The following SHTN1 variants were observed in gnomAD, a reference collection of about 807,000 sequenced individuals.
SHTN1 encodes shootin-1.
A neutral mutation model predicts 83.1 loss-of-function variants in SHTN1; 42 were observed. That is an observed-to-expected ratio of 0.51 (90% CI 0.39 to 0.65). The LOEUF is 0.65. SHTN1 is among the 30% of genes least tolerant of loss of function. SHTN1 has a pLI of 0.00. For synonymous variants in SHTN1, 224 were observed against 247.7 expected (o/e 0.90, Z 0.90); for missense variants, 622 against 737.8 (o/e 0.84, Z 1.82).
chr10:117,107,116 T>C (rs1317743220), intron 1 of SHTN1, among the ~76,000 whole-genome samples: 1 of 152,216 alleles, frequency 6.6e-6, no homozygotes, highest in Non-Finnish European at 1.5e-5. Flanking sequence ...ATCAATTTAG[T>C]AATCAATTGA....
intron 4 of SHTN1, 82 bp downstream of exon 4, chr10:116,960,054 C>T (rs1017509864): frequency 5.5e-5 from 44 of 797,852 alleles, no homozygotes; most frequent in South Asian, 5.5e-4. Flanking sequence ...AGTAGAAAAG[C>T]AAAACCAGAT....
chr10:116,995,601 A>C (rs1254430515), intron 1 of SHTN1, among the ~76,000 whole-genome samples: 1 of 152,060 alleles, frequency 6.6e-6, no homozygotes, highest in African/African-American at 2.4e-5. Flanking sequence ...GAGTATTCTT[A>C]TTTTTAGGAT....
chr10:117,078,149 A>C (rs1853189417), intron 1 of SHTN1, among the ~76,000 whole-genome samples: 1 of 152,198 alleles, frequency 6.6e-6, no homozygotes, highest in Non-Finnish European at 1.5e-5. Flanking sequence ...AGAGCTTTCA[A>C]TGGACATTTT....
chr10:116,972,703 T>C (rs951137789), intron 2 of SHTN1, among the ~76,000 whole-genome samples: 1 of 152,138 alleles, frequency 6.6e-6, no homozygotes, highest in South Asian at 2.1e-4. Flanking sequence ...GACTTTGCAA[T>C]AGCAACAGAT....
At position 116,901,840 on chromosome 10, in the gene SHTN1, G is replaced by A. The variant is rs181863139; in HGVS notation, c.1598C>T (p.Pro533Leu). Residue 533 changes from proline (P) to leucine (L), a missense_variant, in exon 16 of 17, where the codon CCG becomes CTG. By Grantham distance (98) the Pro-to-Leu change is moderately conservative. Coordinates refer to ENST00000355371, the MANE Select transcript of SHTN1 (RefSeq NM_001127211.3). ...ACCTGGCTCAGGTGTTGGGGGGGAC[G>A]GGCTGTTGAATTCTGCCTCCAGAGT... ...KKTLEAEFNS[P>L]SPPTPEPGEG... 835 of 1,605,168 alleles carry A rather than the reference G, an allele frequency of 5.2e-4. 1 individual carries two copies. The highest frequency in any genetic ancestry group is 6.7e-4 in the Non-Finnish European group (785 of 1,177,370).
At chr10:117,078,758 T>C (rs892004178) in intron 1 of SHTN1, among the ~76,000 whole-genome samples, 2 of 152,102 alleles carry the variant, frequency 1.3e-5, no homozygotes, top group African/African-American at 4.8e-5. Context: ...TAAAAACATG[T>C]AGGTAAATAT....
chr10:117,089,633 G>GT (rs1440370707), intron 1 of SHTN1, among the ~76,000 whole-genome samples: 3 of 152,036 alleles, frequency 2.0e-5, no homozygotes, highest in African/African-American at 7.2e-5. Context: ...TCAAAGGACA[G>GT]TATCAACAGA....
intron 1 of SHTN1, among the ~76,000 whole-genome samples, chr10:117,004,728 G>A (rs1414605980): frequency 1.3e-5 from 2 of 152,154 alleles, no homozygotes; most frequent in Admixed American, 1.3e-4. Context: ...CGTCCGCACT[G>A]AATCCTCGTC....
chr10:117,061,210 G>C (rs992400480), intron 1 of SHTN1, among the ~76,000 whole-genome samples: 1 of 146,650 alleles, frequency 6.8e-6, no homozygotes, highest in African/African-American at 2.5e-5. Context: ...GCAGTGGCAC[G>C]ATCCTGGCTC....
intron 1 of SHTN1, among the ~76,000 whole-genome samples, chr10:117,052,456 C>A (rs1464516049): frequency 6.6e-6 from 1 of 151,810 alleles, no homozygotes; most frequent in Non-Finnish European, 1.5e-5. Flanking sequence ...TGGCACAGGA[C>A]CCCAGATAGC....
chr10:117,009,378 CA>C (rs958850353), upstream of SHTN1, among the ~76,000 whole-genome samples: 9 of 150,564 alleles, frequency 6.0e-5, no homozygotes, highest in African/African-American at 1.9e-4. Context: ...TGGCAGGATG[CA>C]AAAAAAAGTA....
At chr10:117,108,350 A>AT (rs936004679) in intron 1 of SHTN1, among the ~76,000 whole-genome samples, 2 of 152,124 alleles carry the variant, frequency 1.3e-5, no homozygotes, top group African/African-American at 4.8e-5. Context: ...AATGTGGCAC[A>AT]TATACACCAT....
intron 1 of SHTN1, among the ~76,000 whole-genome samples, chr10:117,053,008 AGAC>A (rs1852770604): frequency 6.8e-6 from 1 of 147,110 alleles, no homozygotes; most frequent in Non-Finnish European, 1.5e-5. Flanking sequence ...CAACAGAGCA[AGAC>A]TGTGTCTCAA....
chr10:116,990,449 G>A (rs966607829), intron 1 of SHTN1, among the ~76,000 whole-genome samples: 1 of 152,100 alleles, frequency 6.6e-6, no homozygotes, highest in South Asian at 2.1e-4. Flanking sequence ...ATTTGTATCA[G>A]GCAGCAGCTA....
At chr10:116,960,054 C>CA (rs1166332158) in intron 4 of SHTN1, 82 bp downstream of exon 4, 7 of 797,854 alleles carry the variant, frequency 8.8e-6, no homozygotes, top group Non-Finnish European at 1.5e-5. Context: ...AGTAGAAAAG[C>CA]AAAACCAGAT....
chr10:117,101,627 G>C (rs1554939362), intron 1 of SHTN1, among the ~76,000 whole-genome samples: 1 of 152,210 alleles, frequency 6.6e-6, no homozygotes, highest in Non-Finnish European at 1.5e-5. Flanking sequence ...GTGGGTAAAA[G>C]TGTGGAACAA....
At chr10:117,089,353 G>A (rs1000898808) in intron 1 of SHTN1, among the ~76,000 whole-genome samples, 1 of 152,122 alleles carries the variant, frequency 6.6e-6, no homozygotes, top group African/African-American at 2.4e-5. Context: ...TAGAAGTGGG[G>A]AAAGGCAGGA....
At chr10:117,042,310 C>A (rs1195132747) in intron 2 of SHTN1, among the ~76,000 whole-genome samples, 1 of 151,536 alleles carries the variant, frequency 6.6e-6, no homozygotes, top group Non-Finnish European at 1.5e-5. Flanking sequence ...AACTGAATGT[C>A]TGTGGTGGAT....
At chr10:116,945,472 A>G (rs1849542293) in intron 7 of SHTN1, among the ~76,000 whole-genome samples, 1 of 152,230 alleles carries the variant, frequency 6.6e-6, no homozygotes, top group South Asian at 2.1e-4. Context: ...TGCAAAAATT[A>G]GTGCAAAGTG....
Sources: allele counts gnomAD v4.1 joint callset (sites outside exome capture counted in the v4.1 genomes callset), GRCh38; gene constraint gnomAD v4.1.1; transcripts MANE v1.5; gene names NCBI Gene and HGNC (gene_info 2026-07-23, HGNC 2026-07-21).